Variants in SPATA13 observed in about 807,000 individuals in gnomAD.
The protein encoded by SPATA13 is spermatogenesis-associated protein 13.
In SPATA13, 50 loss-of-function variants were observed where a neutral mutation model predicts 104.0. The ratio of observed to expected loss-of-function variants is 0.48; its 90% CI spans 0.38 to 0.61. The LOEUF (loss-of-function observed/expected upper bound fraction) is 0.61. SPATA13 is among the 20% of genes least tolerant of loss of function. The pLI, the probability that SPATA13 is intolerant of heterozygous loss-of-function variation, is 0.00. For synonymous variants in SPATA13, 606 were observed against 667.5 expected (o/e 0.91, Z 1.42); for missense variants, 1,524 against 1,690.6 (o/e 0.90, Z 1.73).
intron 3 of SPATA13, among the ~76,000 whole-genome samples, chr13:24,155,376 T>C (rs1882228039): frequency 6.6e-6 from 1 of 152,086 alleles, no homozygotes; most frequent in Admixed American, 6.5e-5. Flanking sequence ...CTATCAATCA[T>C]GAAAATTTAA....
intron 4 of SPATA13, among the ~76,000 whole-genome samples, chr13:24,280,406 G>C (rs897999083): frequency 2.6e-5 from 4 of 151,676 alleles, no homozygotes; most frequent in African/African-American, 9.7e-5. Flanking sequence ...GGAAAACACT[G>C]TTCAGTTCTT....
intron 1 of SPATA13, among the ~76,000 whole-genome samples, chr13:24,172,959 A>G (rs376603311): frequency 6.8e-4 from 103 of 152,262 alleles, no homozygotes; most frequent in African/African-American, 2.4e-3. Flanking sequence ...CATTTATTTT[A>G]TCTTTTTTGA....
chr13:24,186,285 A>G (rs959957253), intron 1 of SPATA13, among the ~76,000 whole-genome samples: 2 of 152,186 alleles, frequency 1.3e-5, no homozygotes, highest in Non-Finnish European at 2.9e-5. Context: ...AAAAGTAGAA[A>G]ATTAGAAGGT....
intron 3 of SPATA13, among the ~76,000 whole-genome samples, chr13:24,058,974 T>C (rs1878673942): frequency 1.3e-5 from 2 of 151,566 alleles, no homozygotes; most frequent in Admixed American, 1.3e-4. Flanking sequence ...TTTTTTGTTT[T>C]GTTTTGTTTT....
intron 1 of SPATA13, among the ~76,000 whole-genome samples, chr13:24,182,457 G>A (rs1408202128): frequency 6.6e-6 from 1 of 151,262 alleles, no homozygotes; most frequent in Non-Finnish European, 1.5e-5. Context: ...AGGGGAAGTA[G>A]GTGTGTCACA....
chr13:24,109,604 T>TA (rs1427534303), intron 3 of SPATA13, among the ~76,000 whole-genome samples: 1 of 152,164 alleles, frequency 6.6e-6, no homozygotes, highest in Non-Finnish European at 1.5e-5. Flanking sequence ...TAGAGGTAGA[T>TA]AGAGACACTC....
intron 4 of SPATA13, among the ~76,000 whole-genome samples, chr13:24,283,377 T>C (rs1875692597): frequency 6.6e-6 from 1 of 152,252 alleles, no homozygotes; most frequent in Non-Finnish European, 1.5e-5. Flanking sequence ...TCTTGGACTT[T>C]TGGCTAAGAT....
intron 2 of SPATA13, among the ~76,000 whole-genome samples, chr13:23,991,556 C>T (rs979294676): frequency 1.3e-5 from 2 of 152,124 alleles, no homozygotes; most frequent in Admixed American, 1.3e-4. Context: ...AGTTAGCGAG[C>T]CCCGGCCCGC....
At chr13:24,149,824 C>T (rs1882043287) in intron 3 of SPATA13, among the ~76,000 whole-genome samples, 1 of 152,160 alleles carries the variant, frequency 6.6e-6, no homozygotes, top group Admixed American at 6.5e-5. Context: ...GAAACTTGAA[C>T]TCGGTTGTGT....
At chr13:23,983,440 T>C (rs959766057) in intron 1 of SPATA13, among the ~76,000 whole-genome samples, 1 of 152,164 alleles carries the variant, frequency 6.6e-6, no homozygotes, top group African/African-American at 2.4e-5. Flanking sequence ...CATTCTGAGG[T>C]ACTGGAGTCA....
intron 2 of SPATA13, among the ~76,000 whole-genome samples, chr13:23,989,525 A>C (rs1875309600): frequency 6.6e-6 from 1 of 152,204 alleles, no homozygotes; most frequent in South Asian, 2.1e-4. Flanking sequence ...GCGTATTATT[A>C]AATATCATTT....
At chr13:23,999,588 C>G (rs181916680) in intron 2 of SPATA13, among the ~76,000 whole-genome samples, 8 of 108,236 alleles carry the variant, frequency 7.4e-5, no homozygotes, top group African/African-American at 3.0e-4. Context: ...TCAGGGAGAT[C>G]TCCAGGCTCA....
chr13:24,022,790 A>G (rs1877043606), intron 3 of SPATA13, among the ~76,000 whole-genome samples: 1 of 152,184 alleles, frequency 6.6e-6, no homozygotes, highest in Non-Finnish European at 1.5e-5. Context: ...CTGCAGGAAC[A>G]TAAGTTTTCC....
intron 3 of SPATA13, among the ~76,000 whole-genome samples, chr13:24,147,715 T>C (rs898755923): frequency 2.0e-5 from 3 of 152,306 alleles, no homozygotes; most frequent in Non-Finnish European, 4.4e-5. Flanking sequence ...TCTCCAGAGC[T>C]GAAACTGAAA....
chr13:24,123,539 T>C, intron 3 of SPATA13: 5 of 1,611,724 alleles, frequency 3.1e-6, no homozygotes, highest in African/African-American at 1.3e-5. Context: ...CATTTGGTTC[T>C]GTAAGAATCT....
chr13:24,021,912 C>T (rs776677989), intron 3 of SPATA13, among the ~76,000 whole-genome samples: 15 of 151,894 alleles, frequency 9.9e-5, no homozygotes, highest in Admixed American at 6.6e-5. Flanking sequence ...GGGGTTTCAC[C>T]GTATTAGGCA....
chr13:24,085,886 G>A (rs999881410), intron 3 of SPATA13, among the ~76,000 whole-genome samples: 12 of 152,224 alleles, frequency 7.9e-5, no homozygotes, highest in African/African-American at 2.4e-4. Flanking sequence ...GAACCAGGGC[G>A]CAGCCACAGA....
intron 1 of SPATA13, among the ~76,000 whole-genome samples, chr13:24,176,690 G>A (rs1484331692): frequency 6.6e-6 from 1 of 152,146 alleles, no homozygotes; most frequent in East Asian, 1.9e-4. Context: ...TGAAAATGGA[G>A]CTTGGTAATT....
At chr13:24,144,377 A>G (rs1414805270) in intron 3 of SPATA13, among the ~76,000 whole-genome samples, 1 of 152,180 alleles carries the variant, frequency 6.6e-6, no homozygotes, top group Non-Finnish European at 1.5e-5. Flanking sequence ...ACTCTTTTCC[A>G]TGCCCAAGAG....
Sources: gnomAD v4.1 joint callset for allele counts (sites outside exome capture counted in the v4.1 genomes callset) on GRCh38, gnomAD v4.1.1 for gene constraint, MANE v1.5 for transcripts, NCBI Gene and HGNC (gene_info 2026-07-23, HGNC 2026-07-21) for gene names.